Variants in DGKZ observed in about 807,000 individuals in gnomAD.
DGKZ encodes diacylglycerol kinase zeta.
Under a neutral mutation model 142.5 loss-of-function variants are expected in DGKZ, and 45 were observed. The ratio of observed to expected loss-of-function variants is 0.32; its 90% CI spans 0.25 to 0.40. DGKZ has a LOEUF of 0.40. DGKZ is among the 10% of genes least tolerant of loss of function. DGKZ has a pLI of 1.00. For synonymous variants in DGKZ, 442 were observed against 527.0 expected, an observed-to-expected ratio of 0.84 and a Z score of 2.21; for missense variants, 755 against 1,306.5, an observed-to-expected ratio of 0.58 and a Z score of 6.51.
chr11:46,378,511 C>T lies in DGKZ; in HGVS notation c.2418+11C>T. 6.2e-7 allele frequency: 1 copy of T among 1,613,040 alleles called. No individual in the cohort carries two copies. Among genetic ancestry groups the T allele is most frequent in the South Asian group, 1.1e-5 (1 of 91,086 alleles). ...AACGACTTCTGTAAGGTACTAGCTC[C>T]AGGCTCCAGTTCCTTCCCCCAGCAG... On this transcript the variant is annotated intron_variant, in intron 27 of 30. Coordinates refer to ENST00000527911, the Ensembl canonical transcript of DGKZ.
chr11:46,378,941 A>C, intron 27 of DGKZ, 50 bp from the exon 28 acceptor site: 1 of 1,503,728 alleles, frequency 6.7e-7, no homozygotes, highest in Non-Finnish European at 8.8e-7. Context: ...AGCTCAGGGA[A>C]GGAGGGGTGG....
At chr11:46,336,330 G>A (rs578249121) in intron 1 of DGKZ, among the ~76,000 whole-genome samples, 45 of 152,350 alleles carry the variant, frequency 3.0e-4, no homozygotes, top group African/African-American at 1.1e-3. Context: ...AAAGGCAGGG[G>A]AGGGGGGAAG....
intron 1 of DGKZ, chr11:46,361,514 A>T (rs1424384014): frequency 3.7e-6 from 2 of 544,126 alleles, no homozygotes; most frequent in East Asian, 1.5e-4. Flanking sequence ...TCAGTTACCA[A>T]TCGGGTTATT....
At chr11:46,346,121 G>A (rs1940587675), upstream of DGKZ, among the ~76,000 whole-genome samples, 1 of 152,212 alleles carries the variant, frequency 6.6e-6, no homozygotes, top group Non-Finnish European at 1.5e-5. Flanking sequence ...AGGAAACTGG[G>A]AGAGGGTTCT....
At chr11:46,358,341 C>T (rs1942273421) in intron 1 of DGKZ, among the ~76,000 whole-genome samples, 3 of 152,110 alleles carry the variant, frequency 2.0e-5, no homozygotes, top group Admixed American at 6.6e-5. Flanking sequence ...ATATAAGGCA[C>T]CTTTGCTGCA....
rs550979202 is a variant in DGKZ at position 46,376,925 on chromosome 11, G to A, written c.2203-148G>A. On this transcript the variant is annotated intron_variant, in intron 24 of 30. Coordinates refer to ENST00000527911, the Ensembl canonical transcript of DGKZ. Reference sequence around the variant, plus strand: ...GGAGGTGTCAGGAATGGGAAGGAGTGGGAGAGGGACAGGCAGGGCCCCTTG... The same window carrying A: ...GGAGGTGTCAGGAATGGGAAGGAGTAGGAGAGGGACAGGCAGGGCCCCTTG... 34 of 708,702 alleles carry A rather than the reference G, an allele frequency of 4.8e-5. No homozygotes were observed. In the South Asian group the frequency reaches 4.9e-4, roughly 10 times the overall value. The allele number at this position is 708,702 out of a possible 1,614,324, so 43.9% of individuals were successfully genotyped here. A position where few individuals can be genotyped will look rare whatever the true frequency, so the allele number is the denominator to read the frequency against.
chr11:46,376,858 T>C, intron 24 of DGKZ: 1 of 634,244 alleles, frequency 1.6e-6, no homozygotes, highest in Non-Finnish European at 2.8e-6. Flanking sequence ...AAAGGCATTC[T>C]GGTCAGGCGC....
chr11:46,375,392 A>C, intron 19 of DGKZ, 40 bp from the exon 20 acceptor site: 2 of 1,534,232 alleles, frequency 1.3e-6, no homozygotes, highest in Non-Finnish European at 1.8e-6. Flanking sequence ...CCCTGCCCCC[A>C]GCCCTGGTGC....
chr11:46,378,872 T>C lies in DGKZ; in HGVS notation c.2419-119T>C. ...CCACAGAGGCAACTCAGGAGTAAGA[T>C]GTGTGAGCGCACTCGTTTCAGGCCT... On this transcript the variant is annotated intron_variant, in intron 27 of 30. Coordinates refer to ENST00000527911, the Ensembl canonical transcript of DGKZ. 4.2e-6 allele frequency: 6 copies of C among 1,423,634 alleles called. No individual in the cohort carries two copies. The South Asian group carries it at 8.5e-5, about 20-fold the overall frequency. 88.2% of individuals were successfully genotyped at this position (1,423,634 alleles called of 1,614,324 possible). A position where few individuals can be genotyped will look rare whatever the true frequency, so the allele number is the denominator to read the frequency against.
chr11:46,369,715 G>T (rs887450137), intron 5 of DGKZ, 165 bp downstream of exon 5: 2 of 978,692 alleles, frequency 2.0e-6, no homozygotes, highest in South Asian at 1.5e-5. Context: ...CGCTGCCTGC[G>T]GAGTGGGTGG....
At chr11:46,365,039 G>T (rs1943093892) in intron 1 of DGKZ, 1 of 985,462 alleles carries the variant, frequency 1.0e-6, no homozygotes. Flanking sequence ...TTCCCCCACT[G>T]TTAGGAGAGG....
chr11:46,342,713 GT>G (rs1344350656), upstream of DGKZ, among the ~76,000 whole-genome samples: 1 of 152,240 alleles, frequency 6.6e-6, no homozygotes, highest in African/African-American at 2.4e-5. Context: ...GCAATAGGAT[GT>G]TTTATTTAAG....
chr11:46,333,533 C>T, intron 1 of DGKZ: 2 of 1,504,230 alleles, frequency 1.3e-6, no homozygotes, highest in Non-Finnish European at 9.0e-7. Flanking sequence ...TGGGACCACC[C>T]CTCTTGCAGG....
At position 46,367,771 on chromosome 11, in the gene DGKZ, GC is replaced by G; in HGVS notation, c.366+29del. On this transcript the variant is annotated intron_variant, in intron 3 of 30. Transcript: ENST00000527911. This position sits in a 1 kb window ranked among gnomAD's most constrained non-coding sequence, Gnocchi z 4.1. ...TGGTGAGTGCTCGTAGGGGCACGCCGCCCCCTGCTGGTGGAGCCAGTAGCCG... is the reference window on the plus strand; with the variant it reads ...TGGTGAGTGCTCGTAGGGGCACGCCGCCCCTGCTGGTGGAGCCAGTAGCCG... 6.2e-7 allele frequency: 1 copy of G among 1,610,878 alleles called. No individual in the cohort carries two copies. The highest frequency in any genetic ancestry group is 8.5e-7 in the Non-Finnish European group (1 of 1,178,412).
At chr11:46,380,534 A>G (rs1456833443), downstream of DGKZ, 1 of 152,368 alleles carries the variant, frequency 6.6e-6, no homozygotes, top group Non-Finnish European at 1.5e-5. Context: ...GTGACTCAGT[A>G]AAGTGGATTT....
chr11:46,340,428 C>G (rs12273290), intron 1 of DGKZ, among the ~76,000 whole-genome samples: 68,851 of 152,078 alleles, frequency 0.45, 20,510 homozygotes, highest in African/African-American at 0.85. Context: ...CTGACCCAGA[C>G]TAAGGGGAGA....
chr11:46,350,233 C>G (rs1275281580), intron 1 of DGKZ, among the ~76,000 whole-genome samples: 1 of 152,130 alleles, frequency 6.6e-6, no homozygotes, highest in Non-Finnish European at 1.5e-5. Context: ...CTGGGGCTGG[C>G]CTCCTTCCCT....
chr11:46,357,882 C>T lies in DGKZ; in HGVS notation c.162-9409C>T, dbSNP rs370491391. Among the ~76,000 whole-genome samples the T allele has an allele frequency of 2.2e-4, 34 of 152,314 alleles. No individual in the cohort carries two copies. The East Asian group carries it at 6.0e-3, about 27-fold the overall frequency. ...AGAAGGTGTGCCAGGTGCGGCGGCA[C>T]AGCAGTAAGTCAGGCACAGCCAGAT... On this transcript the variant is annotated intron_variant, in intron 1 of 30. Coordinates refer to ENST00000527911, the Ensembl canonical transcript of DGKZ.
rs916327654 is a variant in DGKZ, at chr11:46,374,244, C to T, written c.1405+9C>T. On this transcript the variant is annotated intron_variant, in intron 15 of 30. Transcript: ENST00000527911. Reference sequence around the variant, plus strand: ...GTTCCACGAGTCTCGAGGTTGGCAGCCTCCCACTGAGGCCAGGGCAGGGTG... The same window carrying T: ...GTTCCACGAGTCTCGAGGTTGGCAGTCTCCCACTGAGGCCAGGGCAGGGTG... 12 of 1,613,906 alleles carry T rather than the reference C, an allele frequency of 7.4e-6. No homozygotes were observed. The highest frequency in any genetic ancestry group is 8.5e-6 in the Non-Finnish European group (10 of 1,180,024).
Sources: gnomAD v4.1 joint callset for allele counts (sites outside exome capture counted in the v4.1 genomes callset) on GRCh38, gnomAD v4.1.1 for gene constraint, Gnocchi (gnomAD v3.1) non-coding constraint, MANE v1.5 for transcripts, NCBI Gene and HGNC (gene_info 2026-07-23, HGNC 2026-07-21) for gene names.